The following ZSWIM2 variants were observed in gnomAD, a reference collection of about 807,000 sequenced individuals.
ZSWIM2 encodes the protein E3 ubiquitin-protein ligase ZSWIM2.
ZSWIM2 carries 38 observed loss-of-function variants against 48.4 expected under a neutral mutation model. That is an observed-to-expected ratio of 0.79 (90% confidence interval 0.61 to 1.03). The LOEUF (loss-of-function observed/expected upper bound fraction) is 1.03, where lower values mean the gene tolerates loss of function less well. Ranked by LOEUF, ZSWIM2 falls within the 50% of genes least tolerant of loss-of-function variation. ZSWIM2 has a pLI of 0.00. For missense variants in ZSWIM2, 776 were observed against 730.2 expected (o/e 1.06, Z -0.72); for synonymous variants, 240 against 251.3 (o/e 0.96, Z 0.42).
intron 4 of ZSWIM2, 83 bp from the exon 5 acceptor site, chr2:186,837,637 A>ATG (rs61541415): frequency 9.3e-6 from 4 of 430,762 alleles, no homozygotes; most frequent in African/African-American, 2.2e-5. Flanking sequence ...TATTATATAT[A>ATG]TATTTATATA....
chr2:186,842,369 C>T (rs1387132085), intron 3 of ZSWIM2, among the ~76,000 whole-genome samples: 1 of 151,038 alleles, frequency 6.6e-6, no homozygotes, highest in Non-Finnish European at 1.5e-5. Flanking sequence ...TTTCTCAATG[C>T]CTACTAATTA....
At chr2:186,841,401 C>T (rs749701888) in intron 3 of ZSWIM2, among the ~76,000 whole-genome samples, 2 of 150,952 alleles carry the variant, frequency 1.3e-5, no homozygotes, top group Non-Finnish European at 3.0e-5. Context: ...AAACATGAAT[C>T]CAAAAAACAA....
At position 186,839,356 on chromosome 2, in the gene ZSWIM2, TA is replaced by T. The variant is rs1003515627; in HGVS notation, c.284-188del. Among the ~76,000 whole-genome samples, 56 of 151,790 alleles carry T rather than the reference TA, an allele frequency of 3.7e-4. 1 individual carries two copies. The highest frequency in any genetic ancestry group is 1.3e-3 in the African/African-American group (53 of 41,502). Reference sequence around the variant, plus strand: ...GCCAAAATGTCAGAAAAGAGTCATTTAAAAAAATATAAAAATTATTATTTTT... The same window carrying T: ...GCCAAAATGTCAGAAAAGAGTCATTTAAAAAATATAAAAATTATTATTTTT... On this transcript the variant is annotated intron_variant, in intron 3 of 8. Transcript: ENST00000295131.
At chr2:186,840,452 C>A (rs527714872) in intron 3 of ZSWIM2, among the ~76,000 whole-genome samples, 2 of 145,850 alleles carry the variant, frequency 1.4e-5, no homozygotes, top group East Asian at 3.9e-4. Context: ...AAGAGAAGAG[C>A]AAGACAGCTA....
intron 7 of ZSWIM2, among the ~76,000 whole-genome samples, chr2:186,830,283 G>A (rs1691674955): frequency 1.3e-5 from 2 of 152,142 alleles, no homozygotes; most frequent in Admixed American, 6.6e-5. Flanking sequence ...TCAAGAGGCT[G>A]TGGCAGGAGT....
chr2:186,839,269 G>A, intron 3 of ZSWIM2, 100 bp from the exon 4 acceptor site: 3 of 1,089,504 alleles, frequency 2.8e-6, no homozygotes, highest in Admixed American at 2.3e-5. Context: ...TCAAATATCA[G>A]AGAGACAGTT....
chr2:186,847,747 C>T lies in ZSWIM2; in HGVS notation c.214G>A (p.Gly72Arg), dbSNP rs761921348. 1.2e-6 allele frequency: 2 copies of T among 1,606,280 alleles called. No individual in the cohort carries two copies. The highest frequency in any genetic ancestry group is 2.2e-5 in the East Asian group (1 of 44,470). The stretch of plus-strand genomic sequence containing the variant: ...CAGATATGCTTACAAAGTTCCCCTC[C>T]TTTCGGAAATGTGGAACAGTTACAA... ...HVCNCSTFPK[G>R]GELCKHICWV... The change falls in exon 2 of 9, where the codon GGA becomes AGA. Residue 72 changes from glycine to arginine, a missense_variant. Transcript: ENST00000295131.
At chr2:186,831,482 A>G (rs996728765) in intron 7 of ZSWIM2, among the ~76,000 whole-genome samples, 8 of 151,946 alleles carry the variant, frequency 5.3e-5, no homozygotes, top group Non-Finnish European at 1.2e-4. Context: ...TTTCTATTTT[A>G]TCCCATGCTT....
intron 2 of ZSWIM2, among the ~76,000 whole-genome samples, 165 bp from the exon 3 acceptor site, chr2:186,844,922 A>G (rs1691968836): frequency 6.6e-6 from 1 of 151,604 alleles, no homozygotes; most frequent in African/African-American, 2.4e-5. Context: ...TAGTTGTTAA[A>G]CTTATGTTTT....
rs13427534 is a variant in ZSWIM2 at position 186,848,908 on chromosome 2, G to T, written c.165+58C>A. The T allele has an allele frequency of 6.9e-4, 1,106 of 1,603,002 alleles. 8 individuals are homozygous for T. In the African/African-American group the frequency reaches 0.013, roughly 19 times the overall value. On this transcript the variant is annotated intron_variant, in intron 1 of 8. Transcript: ENST00000295131. ...GGCTACGCACATTGGGTATGCCAGT[G>T]GGGGAACCTGGTGGGCGGGGATGAT...
At chr2:186,833,445 TAAC>T (rs1390767534) in intron 6 of ZSWIM2, among the ~76,000 whole-genome samples, 1 of 152,152 alleles carries the variant, frequency 6.6e-6, no homozygotes, top group Admixed American at 6.6e-5. Context: ...AGGTAAAAAA[TAAC>T]AATAATTGTG....
At chr2:186,837,775 A>G (rs1691824936) in intron 4 of ZSWIM2, among the ~76,000 whole-genome samples, 1 of 150,996 alleles carries the variant, frequency 6.6e-6, no homozygotes. Context: ...ATACATCAGA[A>G]TTCCAAACTT....
In ZSWIM2 at chr2:186,829,835, T is replaced by C. The variant is rs770882134; in HGVS notation, c.987A>G (p.Gln329=). 2 of 1,613,592 alleles carry C rather than the reference T, an allele frequency of 1.2e-6. No individual in the cohort carries two copies. The highest frequency in any genetic ancestry group is 1.7e-5 in the Admixed American group (1 of 59,948). The change falls in exon 8 of 9, where the codon CAA becomes CAG. Residue 329 remains glutamine, a synonymous_variant. Coordinates refer to ENST00000295131, the MANE Select transcript of ZSWIM2 (RefSeq NM_182521.3). ...PKHIVRSLPL[Q]LITKNSKLLA... ...GCAGCTTACTATTCTTAGTAATCAG[T>C]TGGAGAGGCAGTGATCTTACAATGT...
At chr2:186,838,922 T>C in intron 4 of ZSWIM2, 37 bp downstream of exon 4, 1 of 1,563,418 alleles carries the variant, frequency 6.4e-7, no homozygotes, top group Non-Finnish European at 8.7e-7. Flanking sequence ...TTAGAATTTT[T>C]AATTAGTTTT....
In ZSWIM2 at chr2:186,828,282, C is replaced by G. The variant is rs751485011; in HGVS notation, c.1604G>C (p.Gly535Ala). Reference sequence around the variant, plus strand: ...CCGGCTTAGACTAGTGTGAAATTTTCCACTGATGCATGGACTTTCCATTGC... The same window carrying G: ...CCGGCTTAGACTAGTGTGAAATTTTGCACTGATGCATGGACTTTCCATTGC... ...PTAMESPCIS[G>A]KFHTSLSRMT... The change falls in exon 9 of 9, where the codon GGA becomes GCA. Residue 535 changes from glycine to alanine, a missense_variant. By Grantham distance (60) the Gly-to-Ala change is moderately conservative (BLOSUM62 0). Coordinates refer to ENST00000295131, the MANE Select transcript of ZSWIM2 (RefSeq NM_182521.3). 1 of 1,613,526 alleles carries G rather than the reference C, an allele frequency of 6.2e-7. No individual in the cohort carries two copies. Among genetic ancestry groups the G allele is most frequent in the African/African-American group, 1.3e-5 (1 of 74,860 alleles).
At position 186,829,887 on chromosome 2, in the gene ZSWIM2, G is replaced by A. The variant is rs1448681999; in HGVS notation, c.942-7C>T. On this transcript the variant is annotated splice_polypyrimidine_tract_variant and splice_region_variant and intron_variant, in intron 7 of 8. Coordinates refer to ENST00000295131, the MANE Select transcript of ZSWIM2 (RefSeq NM_182521.3). ...TTTTGGTGTGTAAACTTGGCTGAAT[G>A]AGAATAAGCAGAGACATGAGTGTTT... 1.2e-6 allele frequency: 2 copies of A among 1,613,108 alleles called. No homozygotes were observed. Among genetic ancestry groups the A allele is most frequent in the African/African-American group, 1.3e-5 (1 of 74,866 alleles).
rs1271754766 is a variant in ZSWIM2, at chr2:186,827,744, G to T, written c.*240C>A. The T allele has an allele frequency of 1.5e-5, 4 of 260,138 alleles. No homozygotes were observed. 16.1% of individuals were successfully genotyped at this position (260,138 alleles called of 1,614,324 possible). A position where few individuals can be genotyped will look rare whatever the true frequency, so the allele number is the denominator to read the frequency against. Reference sequence around the variant, plus strand: ...AAAATCAGAGTAAAATAAGATAAAGGCTCTAAAAATTATTCATTATTTATA... The same window carrying T: ...AAAATCAGAGTAAAATAAGATAAAGTCTCTAAAAATTATTCATTATTTATA... On this transcript the variant is annotated 3_prime_UTR_variant, in exon 9 of 9. Transcript: ENST00000295131.
chr2:186,829,149 A>G (rs571788352), intron 8 of ZSWIM2, among the ~76,000 whole-genome samples: 2 of 152,254 alleles, frequency 1.3e-5, no homozygotes, highest in South Asian at 4.1e-4. Flanking sequence ...AGTAAAATAT[A>G]AAATAACAAA....
At chr2:186,830,683 A>G (rs1691683496) in intron 7 of ZSWIM2, among the ~76,000 whole-genome samples, 1 of 125,860 alleles carries the variant, frequency 7.9e-6, no homozygotes, top group African/African-American at 3.8e-5. Flanking sequence ...CCACTTCAAT[A>G]CTGTTAGACT....
Sources: gnomAD v4.1 joint callset for allele counts (sites outside exome capture counted in the v4.1 genomes callset) on GRCh38, gnomAD v4.1.1 for gene constraint, MANE v1.5 for transcripts, NCBI Gene and HGNC (gene_info 2026-07-23, HGNC 2026-07-21) for gene names.